The following ABCG1 variants were observed in gnomAD, a reference collection of about 807,000 sequenced individuals.
The protein encoded by ABCG1 is ATP binding cassette subfamily G member 1.
ABCG1 carries 29 observed loss-of-function variants against 69.2 expected under a neutral mutation model. The ratio of observed to expected loss-of-function variants is 0.42; its 90% confidence interval spans 0.31 to 0.57. The LOEUF is 0.57. Ranked by LOEUF, ABCG1 falls within the 20% of genes least tolerant of loss-of-function variation. The pLI, the probability that ABCG1 is intolerant of heterozygous loss-of-function variation, is 0.15. For missense variants in ABCG1, 718 were observed against 898.1 expected, an observed-to-expected ratio of 0.80 and a Z score of 2.56; for synonymous variants, 370 against 374.8, an observed-to-expected ratio of 0.99 and a Z score of 0.15.
chr21:42,224,474 C>T (rs184533948), intron 1 of ABCG1, among the ~76,000 whole-genome samples: 82 of 152,304 alleles, frequency 5.4e-4, no homozygotes, highest in Non-Finnish European at 5.4e-4. Flanking sequence ...CTCGGGAATG[C>T]GGGGAACCCA....
upstream of ABCG1, chr21:42,216,190 T>G (rs1403821685): frequency 8.9e-6 from 4 of 449,308 alleles, no homozygotes; most frequent in Non-Finnish European, 1.3e-5. Flanking sequence ...CATGGAACTG[T>G]GAGTCCGTTA....
chr21:42,217,273 A>G (rs926503701), upstream of ABCG1, among the ~76,000 whole-genome samples: 3 of 152,196 alleles, frequency 2.0e-5, no homozygotes, highest in Non-Finnish European at 4.4e-5. Context: ...TTCTGGGCAC[A>G]TTCCTGGAAG....
intron 2 of ABCG1, among the ~76,000 whole-genome samples, chr21:42,255,071 G>A (rs2068280327): frequency 6.6e-6 from 1 of 152,240 alleles, no homozygotes; most frequent in South Asian, 2.1e-4. Context: ...AGGTTTAGAA[G>A]CCTGGAAAAA....
At position 42,277,234 on chromosome 21, in the gene ABCG1, C is replaced by T. The variant is rs541066993; in HGVS notation, c.588+289C>T. Among the ~76,000 whole-genome samples, 4 of 152,244 alleles carry T rather than the reference C, an allele frequency of 2.6e-5. No individual in the cohort carries two copies. The South Asian group carries it at 8.3e-4, about 32-fold the overall frequency. ...TGGCACTCATGGGGCCAGAAGATGCCAGCTTCAGGGTTAGACCAAGAGTGC... is the reference window on the plus strand; with the variant it reads ...TGGCACTCATGGGGCCAGAAGATGCTAGCTTCAGGGTTAGACCAAGAGTGC... On this transcript the variant is annotated intron_variant, in intron 5 of 14. Transcript: ENST00000398449.
At chr21:42,208,223 C>CTTTTTT (rs35946579) in intron 2 of ABCG1, among the ~76,000 whole-genome samples, 35 of 133,676 alleles carry the variant, frequency 2.6e-4, no homozygotes, top group African/African-American at 9.3e-4. Flanking sequence ...TTTGTTGGGA[C>CTTTTTT]TTTTTTTTTT....
At chr21:42,229,325 G>A (rs2067866906) in intron 2 of ABCG1, among the ~76,000 whole-genome samples, 1 of 152,222 alleles carries the variant, frequency 6.6e-6, no homozygotes, top group South Asian at 2.1e-4. Context: ...TAAAAATTCA[G>A]TTTGATGCAT....
chr21:42,248,300 T>C (rs1319164749), intron 2 of ABCG1, among the ~76,000 whole-genome samples: 1 of 152,134 alleles, frequency 6.6e-6, no homozygotes, highest in Non-Finnish European at 1.5e-5. Flanking sequence ...AGAGTGGAGA[T>C]GTGTCTGTTG....
Position 42,294,679 on chromosome 21 carries a change from G to A in ABCG1, c.1772+19G>A, listed in dbSNP as rs751975783. On this transcript the variant is annotated intron_variant, in intron 14 of 14. Coordinates refer to ENST00000398449, the MANE Select transcript of ABCG1 (RefSeq NM_016818.3). ...ATGTCAGGTAGCGGGCGTGGGGCAC[G>A]CATGGCGTGGGGACCGAGGGTGACG... The A allele has an allele frequency of 1.9e-6, 3 of 1,604,646 alleles. No individual in the cohort carries two copies. Among genetic ancestry groups the A allele is most frequent in the East Asian group, 2.2e-5 (1 of 44,798 alleles).
intron 2 of ABCG1, among the ~76,000 whole-genome samples, chr21:42,253,892 C>A (rs753495226): frequency 6.6e-6 from 1 of 152,206 alleles, no homozygotes; most frequent in African/African-American, 2.4e-5. Flanking sequence ...ATTGATGTAA[C>A]TACTCCCTTT....
intron 8 of ABCG1, among the ~76,000 whole-genome samples, chr21:42,286,378 C>T (rs376034150): frequency 6.6e-6 from 1 of 152,200 alleles, no homozygotes; most frequent in Admixed American, 6.5e-5. Flanking sequence ...CCTCCTCCTT[C>T]GCCTTCCAGC....
At chr21:42,260,164 C>G in intron 2 of ABCG1, 1 of 1,550,492 alleles carries the variant, frequency 6.4e-7, no homozygotes, top group Non-Finnish European at 8.7e-7. Flanking sequence ...TGTTGCTTCT[C>G]GGGTGAAGCT....
At chr21:42,293,615 TACACACTACACACCACACACACACCAC>T (rs1395903335) in intron 13 of ABCG1, among the ~76,000 whole-genome samples, 1 of 67,442 alleles carries the variant, frequency 1.5e-5, no homozygotes, top group Non-Finnish European at 3.0e-5. Context: ...CACACCACAC[TACACACTACACACCACACACACACCAC>T]ACACACTACA....
chr21:42,245,736 C>T (rs532949999), intron 2 of ABCG1, among the ~76,000 whole-genome samples: 1 of 152,296 alleles, frequency 6.6e-6, no homozygotes, highest in East Asian at 1.9e-4. Flanking sequence ...GGCTGTATTT[C>T]CTTATCTATT....
intron 2 of ABCG1, among the ~76,000 whole-genome samples, chr21:42,227,059 T>C (rs1440501403): frequency 6.6e-6 from 1 of 152,228 alleles, no homozygotes; most frequent in Non-Finnish European, 1.5e-5. Flanking sequence ...CCCATCTTCA[T>C]TGTAATCACA....
At chr21:42,280,235 C>T (rs907100512) in intron 5 of ABCG1, among the ~76,000 whole-genome samples, 3 of 152,272 alleles carry the variant, frequency 2.0e-5, no homozygotes, top group Non-Finnish European at 4.4e-5. Context: ...CCTTCACTCA[C>T]TTCCCTCCAA....
At chr21:42,232,605 G>A (rs1441480766) in intron 2 of ABCG1, among the ~76,000 whole-genome samples, 1 of 152,198 alleles carries the variant, frequency 6.6e-6, no homozygotes, top group Non-Finnish European at 1.5e-5. Context: ...GTGGGGGTTG[G>A]TGTCACTGTT....
chr21:42,200,563 G>A lies in ABCG1; in HGVS notation c.-100+714G>A, dbSNP rs142653799. ...GGGGGTGGGGTGGAGGGATGCTTTC[G>A]GGATGATTCAAATGCAATACTTTTA... On this transcript the variant is annotated intron_variant, in intron 1 of 15. Coordinates refer to the ABCG1 transcript ENST00000398457. Among the ~76,000 whole-genome samples, 1,356 of 151,448 alleles carry A rather than the reference G, an allele frequency of 9.0e-3. 25 individuals are homozygous for A. The highest frequency in any genetic ancestry group is 0.031 in the African/African-American group (1,275 of 41,132).
chr21:42,238,975 T>C lies in ABCG1; in HGVS notation c.286+13061T>C, dbSNP rs1434785492. On this transcript the variant is annotated intron_variant, in intron 2 of 14. Transcript: ENST00000398449. ...TATAGAAAATGCACTTACTCTCCTT[T>C]GTGGTAATTCTAAATTAATATGTAA... Among the ~76,000 whole-genome samples, 5 of 152,248 alleles carry C rather than the reference T, an allele frequency of 3.3e-5. No individual in the cohort carries two copies. The East Asian group carries it at 9.6e-4, about 29-fold the overall frequency.
rs531419235 is a variant in ABCG1 at position 42,223,509 on chromosome 21, G to A, written c.43-2162G>A. 5.9e-5 allele frequency among the ~76,000 whole-genome samples: 9 copies of A among 152,024 alleles called. No homozygotes were observed. In the South Asian group the frequency reaches 1.3e-3, roughly 21 times the overall value. ...ACCCACCAAGAGTCCTCAAGGCGAC[G>A]GCCCAGAGGAAAATAACCAAAGCAT... On this transcript the variant is annotated intron_variant, in intron 1 of 14. Transcript: ENST00000398449.
Sources: allele counts gnomAD v4.1 joint callset (sites outside exome capture counted in the v4.1 genomes callset), GRCh38; gene constraint gnomAD v4.1.1; transcripts MANE v1.5; gene names NCBI Gene and HGNC (gene_info 2026-07-23, HGNC 2026-07-21).